Variants in HSF2 observed in about 807,000 individuals in gnomAD.
HSF2 encodes the protein heat shock factor protein 2.
A neutral mutation model predicts 65.0 loss-of-function variants in HSF2; 21 were observed. The ratio of observed to expected loss-of-function variants is 0.32; its 90% confidence interval spans 0.23 to 0.47. HSF2 has a LOEUF of 0.47. Ranked by LOEUF, HSF2 falls within the 20% of genes least tolerant of loss-of-function variation. The probability of loss-of-function intolerance (pLI) is 1.00; values close to 1 mark genes in which losing one functional copy is unlikely to be tolerated. For missense variants in HSF2, 499 were observed against 628.1 expected, an observed-to-expected ratio of 0.79 and a Z score of 2.20; for synonymous variants, 225 against 219.1, an observed-to-expected ratio of 1.03 and a Z score of -0.24.
At chr6:122,411,323 G>C (rs1018324828) in intron 1 of HSF2, among the ~76,000 whole-genome samples, 3 of 151,292 alleles carry the variant, frequency 2.0e-5, no homozygotes, top group East Asian at 3.9e-4. Context: ...TTTGTCTTTT[G>C]TTCTTTTTGA....
chr6:122,419,387 T>G (rs45551236), intron 6 of HSF2, among the ~76,000 whole-genome samples, 158 bp downstream of exon 6: 12 of 152,314 alleles, frequency 7.9e-5, no homozygotes, highest in East Asian at 1.9e-4. Flanking sequence ...TAGAGTAGTA[T>G]TATTTTTTAG....
At chr6:122,400,939 C>T (rs1483036124) in intron 1 of HSF2, among the ~76,000 whole-genome samples, 4 of 152,214 alleles carry the variant, frequency 2.6e-5, no homozygotes, top group Non-Finnish European at 5.9e-5. Flanking sequence ...TCCTTTCTTT[C>T]CTGTTCTCCT....
intron 1 of HSF2, 79 bp downstream of exon 1, chr6:122,399,909 C>A: frequency 9.1e-7 from 1 of 1,102,558 alleles, no homozygotes. Flanking sequence ...TGGTCTCTCG[C>A]GGCCTTGCGG....
intron 1 of HSF2, 80 bp from the exon 2 acceptor site, chr6:122,412,293 T>C (rs1435592438): frequency 8.5e-6 from 7 of 824,298 alleles, no homozygotes; most frequent in African/African-American, 1.7e-5. Flanking sequence ...CTCAAGACAG[T>C]TGTGGGATGT....
chr6:122,431,370 A>C (rs1774462053), intron 11 of HSF2, 60 bp from the exon 12 acceptor site: 1 of 797,296 alleles, frequency 1.3e-6, no homozygotes, highest in South Asian at 2.9e-5. Flanking sequence ...TCAATTTTTC[A>C]TTTTTTTCAG....
chr6:122,417,836 A>G (rs1393627616), intron 5 of HSF2, among the ~76,000 whole-genome samples: 1 of 152,206 alleles, frequency 6.6e-6, no homozygotes, highest in African/African-American at 2.4e-5. Flanking sequence ...CTGAAGTCGA[A>G]TTGTATCATA....
In HSF2 at chr6:122,432,712, T is replaced by G. The variant is rs1301557674; in HGVS notation, c.*492T>G. ...CCTGTATCTTGTAAAACTTCATTTG[T>G]TTCTTTTGGTTCAGAGAAGTTCATT... On this transcript the variant is annotated 3_prime_UTR_variant, in exon 13 of 13. Coordinates refer to ENST00000368455, the MANE Select transcript of HSF2 (RefSeq NM_004506.4). 6.5e-6 allele frequency: 1 copy of G among 153,868 alleles called. No individual in the cohort carries two copies. The highest frequency in any genetic ancestry group is 6.4e-5 in the Admixed American group (1 of 15,516). 9.5% of individuals were successfully genotyped at this position (153,868 alleles called of 1,614,324 possible).
In HSF2 at chr6:122,432,442, G is replaced by A. The variant is rs932268785; in HGVS notation, c.*222G>A. 3 of 421,282 alleles carry A rather than the reference G, an allele frequency of 7.1e-6. No homozygotes were observed. The highest frequency in any genetic ancestry group is 4.0e-5 in the East Asian group (1 of 25,130). The allele number at this position is 421,282 out of a possible 1,614,324, so 26.1% of individuals were successfully genotyped here. A position where few individuals can be genotyped will look rare whatever the true frequency, so the allele number is the denominator to read the frequency against. ...CGCAGATGTAATGCACATTATTGGC[G>A]TATCTTTAAGTTGGATTCAAATGGC... On this transcript the variant is annotated 3_prime_UTR_variant, in exon 13 of 13. Transcript: ENST00000368455.
At chr6:122,412,913 A>AT (rs1774034693) in intron 3 of HSF2, 149 bp downstream of exon 3, 1 of 722,382 alleles carries the variant, frequency 1.4e-6, no homozygotes, top group Non-Finnish European at 2.1e-6. Context: ...GTTTCCCTGT[A>AT]TTTTTTTCCT....
At chr6:122,400,960 C>T (rs1582602614) in intron 1 of HSF2, among the ~76,000 whole-genome samples, 1 of 152,158 alleles carries the variant, frequency 6.6e-6, no homozygotes, top group Admixed American at 6.5e-5. Flanking sequence ...ATTATAGGAA[C>T]TCTTAGTTTT....
rs188815971 is a variant in HSF2 at position 122,423,793 on chromosome 6, A to G, written c.1176+107A>G. 1.7e-5 allele frequency: 9 copies of G among 527,114 alleles called. No homozygotes were observed. In the East Asian group the frequency reaches 3.0e-4, roughly 17 times the overall value. The allele number at this position is 527,114 out of a possible 1,614,324, so 32.7% of individuals were successfully genotyped here. On this transcript the variant is annotated intron_variant, in intron 10 of 12. Transcript: ENST00000368455. The stretch of plus-strand genomic sequence containing the variant: ...TTTGTATTCTACAGGTTGTTTTTGC[A>G]TTTCTTTTTTAAATTAATAATTTTG...
chr6:122,404,850 GAGAT>G (rs1329833174), intron 1 of HSF2, among the ~76,000 whole-genome samples: 37 of 152,220 alleles, frequency 2.4e-4, no homozygotes, highest in African/African-American at 8.7e-4. Context: ...ACAATAAGCA[GAGAT>G]AGAGTGATAT....
In HSF2 at chr6:122,432,480, A is replaced by G. The variant is rs1562207915; in HGVS notation, c.*260A>G. 8.3e-6 allele frequency: 3 copies of G among 361,444 alleles called. No homozygotes were observed. The highest frequency in any genetic ancestry group is 1.5e-5 in the Non-Finnish European group (3 of 198,726). 22.4% of individuals were successfully genotyped at this position (361,444 alleles called of 1,614,324 possible). The stretch of plus-strand genomic sequence containing the variant: ...GGATTCAAATGGCCATTTTTCTCCA[A>G]TTTTGGTAAATTGGATATCTTTTTT... On this transcript the variant is annotated 3_prime_UTR_variant, in exon 13 of 13. Coordinates refer to ENST00000368455, the MANE Select transcript of HSF2 (RefSeq NM_004506.4).
At chr6:122,402,830 G>A (rs1773770249) in intron 1 of HSF2, among the ~76,000 whole-genome samples, 1 of 152,136 alleles carries the variant, frequency 6.6e-6, no homozygotes, top group Admixed American at 6.5e-5. Context: ...GAGATTACAG[G>A]TGTGAGCCAC....
Position 122,416,288 on chromosome 6 carries a change from A to T in HSF2, c.523A>T (p.Ile175Phe), listed in dbSNP as rs1055270153. ...AAAGCATGCACAACAGCAACAAGTTATTCGAAAGGTAAGAAGCTCTTTTCC... is the reference window on the plus strand; with the variant it reads ...AAAGCATGCACAACAGCAACAAGTTTTTCGAAAGGTAAGAAGCTCTTTTCC... ...RAKHAQQQQV[I>F]RKIVQFIVTL... is the part of the protein sequence containing the mutation. The change falls in exon 5 of 13, where the codon ATT becomes TTT. Residue 175 changes from isoleucine to phenylalanine, a missense_variant. Physicochemically the swap from Ile to Phe is conservative, Grantham distance 21. This residue lies in a region of HSF2 where 150 missense variants were observed against 234.6 expected (regional missense o/e 0.64). Coordinates refer to ENST00000368455, the MANE Select transcript of HSF2 (RefSeq NM_004506.4). 2 of 1,608,060 alleles carry T rather than the reference A, an allele frequency of 1.2e-6. No homozygotes were observed. The highest frequency in any genetic ancestry group is 1.7e-6 in the Non-Finnish European group (2 of 1,174,806).
chr6:122,420,086 A>G (rs769114900), intron 6 of HSF2, 49 bp from the exon 7 acceptor site: 1 of 1,546,650 alleles, frequency 6.5e-7, no homozygotes, highest in Non-Finnish European at 8.7e-7. Flanking sequence ...GGGAGTTTAA[A>G]TTCATTGTAT....
rs976219496 is a variant in HSF2 at position 122,399,669 on chromosome 6, G to T, written c.-69G>T. ...TTGTGGGCGTTCTCGGGGAGCTGCT[G>T]CCGTAGCTGCCGCCGCCGCTACCAC... On this transcript the variant is annotated 5_prime_UTR_variant, in exon 1 of 13. Transcript: ENST00000368455. 1.5e-6 allele frequency: 2 copies of T among 1,311,062 alleles called. No individual in the cohort carries two copies. The highest frequency in any genetic ancestry group is 1.1e-6 in the Non-Finnish European group (1 of 934,346). 81.2% of individuals were successfully genotyped at this position (1,311,062 alleles called of 1,614,324 possible).
At position 122,432,975 on chromosome 6, in the gene HSF2, G is replaced by A. The variant is rs954302414; in HGVS notation, c.*755G>A. 1 of 152,100 alleles carries A rather than the reference G, an allele frequency of 6.6e-6. No homozygotes were observed. Among genetic ancestry groups the A allele is most frequent in the African/African-American group, 2.4e-5 (1 of 41,410 alleles). 9.4% of individuals were successfully genotyped at this position (152,100 alleles called of 1,614,324 possible). A position where few individuals can be genotyped will look rare whatever the true frequency, so the allele number is the denominator to read the frequency against. On this transcript the variant is annotated 3_prime_UTR_variant, in exon 13 of 13. Transcript: ENST00000368455. ...AATGTTGAGTACTAGTGTCTGTTAT[G>A]TGTCTTCTTTAGAGGTGACACTCAC...
rs1428365435 is a variant in HSF2, at chr6:122,432,635, T to G, written c.*415T>G. On this transcript the variant is annotated 3_prime_UTR_variant, in exon 13 of 13. Coordinates refer to ENST00000368455, the MANE Select transcript of HSF2 (RefSeq NM_004506.4). ...TAAAGCTTTCTCTGCTCCAGTTATTTTTATTAAATATTTTTCACTTGGCTT... is the reference window on the plus strand; with the variant it reads ...TAAAGCTTTCTCTGCTCCAGTTATTGTTATTAAATATTTTTCACTTGGCTT... The G allele has an allele frequency of 6.5e-6, 1 of 154,460 alleles. No individual in the cohort carries two copies. The highest frequency in any genetic ancestry group is 1.4e-5 in the Non-Finnish European group (1 of 69,692). The allele number at this position is 154,460 out of a possible 1,614,324, so 9.6% of individuals were successfully genotyped here.
Sources: allele counts gnomAD v4.1 joint callset (sites outside exome capture counted in the v4.1 genomes callset), GRCh38; gene constraint gnomAD v4.1.1; regional missense constraint gnomAD v4.1.1; transcripts MANE v1.5; gene names NCBI Gene and HGNC (gene_info 2026-07-23, HGNC 2026-07-21).